The following WWOX variants were observed in gnomAD, a reference collection of about 807,000 sequenced individuals.
WWOX encodes WW domain-containing oxidoreductase.
Under a neutral mutation model 46.2 loss-of-function variants are expected in WWOX, and 69 were observed. That is an observed-to-expected ratio of 1.49 (90% CI 1.23 to 1.82). WWOX has a LOEUF of 1.82. Among genes scored for constraint, WWOX ranks in the 40% most tolerant of loss-of-function variants. WWOX has a pLI of 0.00. For missense variants in WWOX, 919 were observed against 542.6 expected (o/e 1.69, Z -6.89); for synonymous variants, 359 against 202.6 (o/e 1.77, Z -6.56).
chr16:79,143,822 T>A (rs1009002413), intron 8 of WWOX, among the ~76,000 whole-genome samples: 3 of 152,086 alleles, frequency 2.0e-5, no homozygotes, highest in Non-Finnish European at 4.4e-5. Flanking sequence ...TTTTAGCCAA[T>A]ATTCCAGTCT....
rs1215132878 is a variant in WWOX at position 78,343,623 on chromosome 16, G to A, written c.517-43237G>A. On this transcript the variant is annotated intron_variant, in intron 5 of 8. Transcript: ENST00000566780. Reference sequence around the variant, plus strand: ...TTAAAGGGACAGGATATGGAAACGTGGCTTCATGGACAGTATTTTAGTATA... The same window carrying A: ...TTAAAGGGACAGGATATGGAAACGTAGCTTCATGGACAGTATTTTAGTATA... Among the ~76,000 whole-genome samples, 3 of 120,836 alleles carry A rather than the reference G, an allele frequency of 2.5e-5. 1 individual carries two copies. The highest frequency in any genetic ancestry group is 4.0e-5 in the Non-Finnish European group (2 of 50,590). The allele number at this position is 120,836 out of a possible 152,430, so 79.3% of individuals were successfully genotyped here.
intron 5 of WWOX, among the ~76,000 whole-genome samples, chr16:78,184,888 A>G (rs2035647261): frequency 6.6e-6 from 1 of 152,170 alleles, no homozygotes; most frequent in Admixed American, 6.5e-5. Flanking sequence ...CAACCTCAAA[A>G]TCTCTGGGGC....
At chr16:78,754,773 G>T (rs1350023019) in intron 8 of WWOX, among the ~76,000 whole-genome samples, 1 of 152,124 alleles carries the variant, frequency 6.6e-6, no homozygotes, top group Admixed American at 6.5e-5. Flanking sequence ...GAGTTTGACA[G>T]TGTGAATGAG....
rs191216778 is a variant in WWOX at position 78,326,637 on chromosome 16, A to G, written c.517-60223A>G. 2.1e-4 allele frequency among the ~76,000 whole-genome samples: 29 copies of G among 140,410 alleles called. No individual in the cohort carries two copies. In the East Asian group the frequency reaches 6.3e-3, roughly 31 times the overall value. The allele number at this position is 140,410 out of a possible 152,430, so 92.1% of individuals were successfully genotyped here. A position where few individuals can be genotyped will look rare whatever the true frequency, so the allele number is the denominator to read the frequency against. On this transcript the variant is annotated intron_variant, in intron 5 of 8. Transcript: ENST00000566780. ...AGTTGTTACATTATTGAAAAAGAACATAAAGCATATTTTCTGGCATACAGC... is the reference window on the plus strand; with the variant it reads ...AGTTGTTACATTATTGAAAAAGAACGTAAAGCATATTTTCTGGCATACAGC...
chr16:79,085,693 TTA>T (rs2048841737), intron 8 of WWOX, among the ~76,000 whole-genome samples: 1 of 152,156 alleles, frequency 6.6e-6, no homozygotes, highest in Non-Finnish European at 1.5e-5. Context: ...TGCATACATT[TTA>T]TTCCTTACCA....
intron 8 of WWOX, among the ~76,000 whole-genome samples, chr16:78,633,159 G>T (rs1478760913): frequency 6.6e-6 from 1 of 152,100 alleles, no homozygotes; most frequent in South Asian, 2.1e-4. Flanking sequence ...TTACTCGGGA[G>T]GCTGAGGCAG....
intron 5 of WWOX, among the ~76,000 whole-genome samples, chr16:78,233,849 A>T (rs2037351264): frequency 6.6e-6 from 1 of 152,112 alleles, no homozygotes; most frequent in South Asian, 2.1e-4. Flanking sequence ...TTTTACCCCA[A>T]GATGCAGTAT....
chr16:78,300,748 A>C (rs575225440), intron 5 of WWOX, among the ~76,000 whole-genome samples: 1 of 152,252 alleles, frequency 6.6e-6, no homozygotes, highest in East Asian at 1.9e-4. Flanking sequence ...TCACTGAAAT[A>C]TTATGATTGG....
At chr16:78,876,210 T>G (rs1487992685) in intron 8 of WWOX, among the ~76,000 whole-genome samples, 1 of 72,528 alleles carries the variant, frequency 1.4e-5, no homozygotes, top group Non-Finnish European at 3.3e-5. Flanking sequence ...TTTTCCTTTC[T>G]TTTTTTTTTT....
At chr16:79,069,967 A>C (rs2048517836) in intron 8 of WWOX, among the ~76,000 whole-genome samples, 5 of 152,252 alleles carry the variant, frequency 3.3e-5, no homozygotes, top group African/African-American at 4.8e-5. Flanking sequence ...TGTTCAAGGC[A>C]ACCAATTAGT....
chr16:78,943,734 G>C (rs975920137), intron 8 of WWOX, among the ~76,000 whole-genome samples: 5 of 152,162 alleles, frequency 3.3e-5, no homozygotes, highest in Non-Finnish European at 7.3e-5. Context: ...AGGTAGCCCT[G>C]CCAAGACCAT....
intron 8 of WWOX, among the ~76,000 whole-genome samples, chr16:78,441,107 T>C (rs1309224245): frequency 6.6e-6 from 1 of 152,038 alleles, no homozygotes; most frequent in African/African-American, 2.4e-5. Context: ...CACGCACGGC[T>C]GATGTTTGTA....
intron 8 of WWOX, among the ~76,000 whole-genome samples, chr16:78,754,104 A>G (rs976792936): frequency 6.6e-6 from 1 of 151,842 alleles, no homozygotes; most frequent in Non-Finnish European, 1.5e-5. Context: ...TTAGATTGTG[A>G]TTATAAATGG....
chr16:79,007,898 C>G (rs571722258), intron 8 of WWOX, among the ~76,000 whole-genome samples: 2 of 152,328 alleles, frequency 1.3e-5, no homozygotes, highest in African/African-American at 4.8e-5. Flanking sequence ...GCAAATGATT[C>G]CTCATAACAA....
intron 6 of WWOX, among the ~76,000 whole-genome samples, chr16:78,417,659 T>A (rs1031765412): frequency 6.6e-6 from 1 of 152,214 alleles, no homozygotes; most frequent in Non-Finnish European, 1.5e-5. Context: ...CCTGTCTTAC[T>A]ACAATATATG....
intron 8 of WWOX, among the ~76,000 whole-genome samples, chr16:78,517,909 C>T (rs1037650811): frequency 1.5e-5 from 2 of 136,686 alleles, no homozygotes; most frequent in African/African-American, 2.8e-5. Context: ...AAATGAAGAA[C>T]CAGGACACCT....
At chr16:78,725,339 CTTTTCTTTT>C (rs1438538573) in intron 8 of WWOX, among the ~76,000 whole-genome samples, 6 of 86,782 alleles carry the variant, frequency 6.9e-5, no homozygotes, top group African/African-American at 2.0e-4. Context: ...CTTTTCTTTT[CTTTTCTTTT>C]TTTTTTTTTT....
intron 8 of WWOX, among the ~76,000 whole-genome samples, chr16:79,124,314 A>G (rs765655932): frequency 7.3e-4 from 110 of 151,474 alleles, no homozygotes; most frequent in Non-Finnish European, 1.2e-3. Context: ...TGCATTTCCA[A>G]TGGTGACGGG....
Position 79,012,762 on chromosome 16 carries a change from C to T in WWOX, c.1057-198846C>T, listed in dbSNP as rs550838685. Among the ~76,000 whole-genome samples, 3 of 152,326 alleles carry T rather than the reference C, an allele frequency of 2.0e-5. No homozygotes were observed. The East Asian group carries it at 5.8e-4, about 29-fold the overall frequency. ...TTTTCCTCCCCTGGTGGCCAGCCAGCCCCTGAAACACAGCAGGTATTCGGT... is the reference window on the plus strand; with the variant it reads ...TTTTCCTCCCCTGGTGGCCAGCCAGTCCCTGAAACACAGCAGGTATTCGGT... On this transcript the variant is annotated intron_variant, in intron 8 of 8. Coordinates refer to ENST00000566780, the MANE Select transcript of WWOX (RefSeq NM_016373.4).
Sources: gnomAD v4.1 joint callset for allele counts (sites outside exome capture counted in the v4.1 genomes callset) on GRCh38, gnomAD v4.1.1 for gene constraint, MANE v1.5 for transcripts, NCBI Gene and HGNC (gene_info 2026-07-23, HGNC 2026-07-21) for gene names.